Variants in PRKG1 observed in about 807,000 individuals in gnomAD.
The protein encoded by PRKG1 is cGMP-dependent protein kinase 1.
Under a neutral mutation model 88.1 loss-of-function variants are expected in PRKG1, and 35 were observed. That is an observed-to-expected ratio of 0.40 (90% CI 0.30 to 0.53). The LOEUF is 0.53. PRKG1 is among the 20% of genes least tolerant of loss of function. PRKG1 has a pLI of 0.59. For synonymous variants in PRKG1, 303 were observed against 292.5 expected (o/e 1.04, Z -0.37); for missense variants, 540 against 839.8 (o/e 0.64, Z 4.41).
intron 3 of PRKG1, among the ~76,000 whole-genome samples, chr10:51,747,678 T>C (rs1837615485): frequency 6.6e-6 from 1 of 152,218 alleles, no homozygotes. Context: ...AGCTGATTTA[T>C]TTATTTTTAT....
At chr10:51,424,066 C>G (rs1838499379) in intron 2 of PRKG1, among the ~76,000 whole-genome samples, 1 of 152,046 alleles carries the variant, frequency 6.6e-6, no homozygotes, top group Admixed American at 6.6e-5. Flanking sequence ...ATTGAAATAT[C>G]AAATTGCAGA....
At chr10:51,918,474 G>A (rs1842393733) in intron 5 of PRKG1, among the ~76,000 whole-genome samples, 1 of 151,888 alleles carries the variant, frequency 6.6e-6, no homozygotes, top group Non-Finnish European at 1.5e-5. Context: ...GCCAGAATAT[G>A]CATGCTTTGC....
At chr10:51,216,532 C>T (rs1375914953) in intron 2 of PRKG1, among the ~76,000 whole-genome samples, 1 of 151,548 alleles carries the variant, frequency 6.6e-6, no homozygotes, top group East Asian at 1.9e-4. Flanking sequence ...CGAATATAAC[C>T]GTTTCAGGAC....
intron 1 of PRKG1, among the ~76,000 whole-genome samples, chr10:51,126,261 A>C (rs1358888027): frequency 1.1e-4 from 1 of 8,836 alleles, no homozygotes; most frequent in Admixed American, 1.7e-3. Flanking sequence ...TTATTTATAT[A>C]TTTATTTATA....
intron 2 of PRKG1, among the ~76,000 whole-genome samples, chr10:51,436,960 G>A (rs1027496119): frequency 6.6e-6 from 1 of 152,034 alleles, no homozygotes; most frequent in African/African-American, 2.4e-5. Flanking sequence ...GGAATTGGTA[G>A]CCAGGCCTTG....
At chr10:52,128,627 C>A in intron 7 of PRKG1, 9 of 955,192 alleles carry the variant, frequency 9.4e-6, no homozygotes, top group Non-Finnish European at 1.1e-5. Context: ...TCTAACACAT[C>A]TGAAAATGTT....
intron 2 of PRKG1, among the ~76,000 whole-genome samples, chr10:51,176,686 T>C (rs1837204023): frequency 6.6e-6 from 1 of 152,146 alleles, no homozygotes; most frequent in African/African-American, 2.4e-5. Context: ...ACAGGGATGC[T>C]GATCTAGAAT....
chr10:51,665,756 G>T (rs898659145), intron 3 of PRKG1, among the ~76,000 whole-genome samples: 1 of 151,044 alleles, frequency 6.6e-6, no homozygotes, highest in Non-Finnish European at 1.5e-5. Flanking sequence ...AATGTATGCT[G>T]CTCTGTAAAA....
At chr10:51,839,878 A>G (rs2132772873) in intron 4 of PRKG1, among the ~76,000 whole-genome samples, 1 of 152,334 alleles carries the variant, frequency 6.6e-6, no homozygotes, top group Middle Eastern at 3.4e-3. Context: ...ATTTCTACCA[A>G]CAGCAGTTTT....
In PRKG1 at chr10:51,728,453, G is replaced by GTTT. The variant is rs56975031; in HGVS notation, c.593-76107_593-76105dup. The stretch of plus-strand genomic sequence containing the variant: ...AATAGCAAAATTCCATTTTTTCTTT[G>GTTT]TTTTTTTTTTTTTTTTTTTTTTTTT... On this transcript the variant is annotated intron_variant, in intron 3 of 17. Transcript: ENST00000373980. Among the ~76,000 whole-genome samples the GTTT allele has an allele frequency of 2.3e-3, 137 of 58,764 alleles. 2 individuals are homozygous for GTTT. Among genetic ancestry groups the GTTT allele is most frequent in the African/African-American group, 7.6e-3 (122 of 16,122 alleles). The allele number at this position is 58,764 out of a possible 152,430, so 38.6% of individuals were successfully genotyped here.
intron 7 of PRKG1, among the ~76,000 whole-genome samples, chr10:52,103,755 T>C (rs1232371444): frequency 4.0e-5 from 6 of 151,802 alleles, no homozygotes; most frequent in Non-Finnish European, 8.8e-5. Flanking sequence ...TGAGGAGAAA[T>C]AATAATAATT....
intron 9 of PRKG1, among the ~76,000 whole-genome samples, chr10:52,213,563 A>G (rs1477338362): frequency 2.0e-5 from 3 of 152,212 alleles, no homozygotes; most frequent in Admixed American, 6.5e-5. Context: ...TTTGTTGCTC[A>G]TTAGGGAAAA....
chr10:51,366,250 T>C (rs16917114), intron 2 of PRKG1, among the ~76,000 whole-genome samples: 4,040 of 152,002 alleles, frequency 0.027, 154 homozygotes, highest in African/African-American at 0.089. Flanking sequence ...GGCAGTGCTT[T>C]TGGAAATTCT....
chr10:51,272,371 G>C (rs919382929), intron 2 of PRKG1, among the ~76,000 whole-genome samples: 4 of 152,136 alleles, frequency 2.6e-5, no homozygotes, highest in South Asian at 2.1e-4. Flanking sequence ...TGGGGGGCTA[G>C]GGGAGGGATA....
At chr10:51,328,378 A>G (rs1053943917) in intron 2 of PRKG1, among the ~76,000 whole-genome samples, 28 of 152,262 alleles carry the variant, frequency 1.8e-4, no homozygotes, top group Admixed American at 5.2e-4. Flanking sequence ...CCATTCATCC[A>G]CTGATGGACA....
intron 10 of PRKG1, among the ~76,000 whole-genome samples, chr10:52,265,013 C>T (rs758835080): frequency 5.3e-5 from 8 of 151,912 alleles, no homozygotes; most frequent in Admixed American, 3.9e-4. Flanking sequence ...TTTTTTGGGC[C>T]GTTTCTATAA....
chr10:51,799,523 A>G (rs1839111097), intron 3 of PRKG1, among the ~76,000 whole-genome samples: 2 of 151,880 alleles, frequency 1.3e-5, no homozygotes, highest in Non-Finnish European at 2.9e-5. Context: ...TCCCCGTGGC[A>G]TACTTGATTC....
At chr10:51,888,656 C>A (rs1201431788) in intron 4 of PRKG1, among the ~76,000 whole-genome samples, 2 of 152,130 alleles carry the variant, frequency 1.3e-5, no homozygotes, top group African/African-American at 4.8e-5. Context: ...CAAATGAACT[C>A]CAGGCACTGG....
rs71032627 is a variant in PRKG1 at position 52,166,430 on chromosome 10, A to ATT, written c.1076+4487_1076+4488dup. Reference sequence around the variant, plus strand: ...TATGAAATAATAGTATTTGAATATAATTTTTTTTTTTTTTTTTTTTTGAGA... The same window carrying ATT: ...TATGAAATAATAGTATTTGAATATAATTTTTTTTTTTTTTTTTTTTTTTGAGA... On this transcript the variant is annotated intron_variant, in intron 9 of 17. Transcript: ENST00000373980. Among the ~76,000 whole-genome samples, 284 of 105,684 alleles carry ATT rather than the reference A, an allele frequency of 2.7e-3. 3 individuals are homozygous for ATT. Among genetic ancestry groups the ATT allele is most frequent in the East Asian group, 0.013 (52 of 3,996 alleles). 69.3% of individuals were successfully genotyped at this position (105,684 alleles called of 152,430 possible). A position where few individuals can be genotyped will look rare whatever the true frequency, so the allele number is the denominator to read the frequency against.
Sources: allele counts gnomAD v4.1 joint callset (sites outside exome capture counted in the v4.1 genomes callset), GRCh38; gene constraint gnomAD v4.1.1; transcripts MANE v1.5; gene names NCBI Gene and HGNC (gene_info 2026-07-23, HGNC 2026-07-21).